Variants in FRK observed in about 807,000 individuals in gnomAD.
FRK encodes fyn related Src family tyrosine kinase.
Under a neutral mutation model 56.4 loss-of-function variants are expected in FRK, and 51 were observed. That is an observed-to-expected ratio of 0.90 (90% confidence interval 0.72 to 1.14). FRK has a LOEUF of 1.14. FRK is among the 50% of genes most tolerant of loss of function. The pLI is 0.00. For missense variants in FRK, 570 were observed against 601.4 expected (o/e 0.95, Z 0.55); for synonymous variants, 245 against 217.9 (o/e 1.12, Z -1.10).
chr6:116,006,253 C>A (rs975812519), intron 1 of FRK, among the ~76,000 whole-genome samples: 1 of 151,822 alleles, frequency 6.6e-6, no homozygotes, highest in African/African-American at 2.4e-5. Context: ...AAAAAGAAAC[C>A]CCAAATAATT....
At chr6:116,097,879 T>C in the FRK span, among the ~76,000 whole-genome samples, 1 of 152,176 alleles carries the variant, frequency 6.6e-6, no homozygotes, top group Admixed American at 6.5e-5. Flanking sequence ...TTACAGACCT[T>C]TCAAATGGCA....
intron 2 of FRK, among the ~76,000 whole-genome samples, chr6:115,986,506 T>A (rs1039311480): frequency 1.3e-5 from 2 of 152,168 alleles, no homozygotes; most frequent in Non-Finnish European, 2.9e-5. Flanking sequence ...TTAAAAAATA[T>A]CAACAGATCC....
the FRK span, among the ~76,000 whole-genome samples, chr6:116,072,496 G>C: frequency 2.8e-4 from 42 of 151,248 alleles, no homozygotes; most frequent in Non-Finnish European, 4.1e-4. Context: ...GTGATGAAAT[G>C]TTAGAACTGA....
chr6:116,039,203 C>A (rs1776616612), intron 1 of FRK: 2 of 1,421,076 alleles, frequency 1.4e-6, no homozygotes, highest in Admixed American at 1.7e-5. Context: ...GAGGTCATCG[C>A]AGATAACGTG....
rs1772182151 is a variant in FRK, at chr6:115,941,548, T to G, written c.*866A>C. 6.6e-6 allele frequency: 1 copy of G among 152,148 alleles called. No homozygotes were observed. The highest frequency in any genetic ancestry group is 1.5e-5 in the Non-Finnish European group (1 of 68,020). 9.4% of individuals were successfully genotyped at this position (152,148 alleles called of 1,614,324 possible). A position where few individuals can be genotyped will look rare whatever the true frequency, so the allele number is the denominator to read the frequency against. ...TCTGATCTGTAGGCCAAAGGGTACT[T>G]CTTTTTCTTTATTAATTACTCAGAA... On this transcript the variant is annotated 3_prime_UTR_variant, in exon 8 of 8. Coordinates refer to ENST00000606080, the MANE Select transcript of FRK (RefSeq NM_002031.3).
chr6:115,969,357 C>T (rs972835172), intron 2 of FRK, among the ~76,000 whole-genome samples: 2 of 152,136 alleles, frequency 1.3e-5, no homozygotes, highest in Non-Finnish European at 2.9e-5. Context: ...ACACATGCAA[C>T]GTTCTAGCAG....
At chr6:115,947,872 A>G (rs1256617212) in intron 5 of FRK, among the ~76,000 whole-genome samples, 2 of 152,186 alleles carry the variant, frequency 1.3e-5, no homozygotes, top group Non-Finnish European at 2.9e-5. Flanking sequence ...AATTCACTCA[A>G]TAAGAAAGGA....
In FRK at chr6:115,942,450, G is replaced by A; in HGVS notation, c.1482C>T (p.Asp494=). 3.7e-6 allele frequency: 6 copies of A among 1,613,536 alleles called. No homozygotes were observed. Among genetic ancestry groups the A allele is most frequent in the Non-Finnish European group, 3.4e-6 (4 of 1,179,580 alleles). ...RWKLEDYFET[D]SSYSDANNFI... The stretch of plus-strand genomic sequence containing the variant: ...AGTTATTTGCATCTGAATATGAAGA[G>A]TCTGTTTCAAAATAGTCTTCAAGTT... The change falls in exon 8 of 8, where the codon GAC becomes GAT. Residue 494 remains aspartate, a synonymous_variant. Transcript: ENST00000606080.
intron 1 of FRK, among the ~76,000 whole-genome samples, chr6:116,054,411 T>C (rs1039865834): frequency 4.8e-5 from 7 of 145,902 alleles, no homozygotes. Context: ...TTTTTATAAA[T>C]ATAGTATTAT....
At chr6:116,025,861 C>T (rs1221833613) in intron 1 of FRK, among the ~76,000 whole-genome samples, 2 of 152,148 alleles carry the variant, frequency 1.3e-5, no homozygotes, top group Non-Finnish European at 2.9e-5. Context: ...TTGCCATTTA[C>T]TCACTGTAAA....
intron 2 of FRK, among the ~76,000 whole-genome samples, chr6:115,997,249 A>G (rs1774875380): frequency 6.6e-6 from 1 of 152,154 alleles, no homozygotes; most frequent in African/African-American, 2.4e-5. Context: ...TGAAAATTCT[A>G]ATATGCTTAT....
At chr6:116,075,576 C>T in the FRK span, among the ~76,000 whole-genome samples, 2 of 151,484 alleles carry the variant, frequency 1.3e-5, no homozygotes, top group Non-Finnish European at 2.9e-5. Flanking sequence ...CACTTTTAAA[C>T]TCAGGTGAGA....
intron 5 of FRK, among the ~76,000 whole-genome samples, chr6:115,945,344 T>C (rs1181103002): frequency 1.3e-5 from 2 of 152,146 alleles, no homozygotes; most frequent in Admixed American, 1.3e-4. Flanking sequence ...GTACAAGTGT[T>C]CCTTTCTCTC....
chr6:116,062,470 A>T (rs961038344), upstream of FRK, among the ~76,000 whole-genome samples: 3 of 152,048 alleles, frequency 2.0e-5, no homozygotes, highest in Non-Finnish European at 4.4e-5. Flanking sequence ...ATGAAAAAAA[A>T]AAAAAGAAAA....
intron 1 of FRK, among the ~76,000 whole-genome samples, chr6:116,051,749 G>A (rs1415633086): frequency 1.4e-4 from 21 of 151,982 alleles, no homozygotes. Context: ...ATTTAAAATG[G>A]GAGTCAGAGA....
chr6:115,959,149 AG>A (rs1384718540), intron 4 of FRK, among the ~76,000 whole-genome samples: 21 of 152,348 alleles, frequency 1.4e-4, no homozygotes, highest in African/African-American at 4.8e-4. Flanking sequence ...AGTTCATTTC[AG>A]GCTCATCTTT....
chr6:116,041,441 T>C (rs552178676), intron 1 of FRK, among the ~76,000 whole-genome samples: 2 of 152,146 alleles, frequency 1.3e-5, no homozygotes, highest in Non-Finnish European at 2.9e-5. Flanking sequence ...TTGAAGCATC[T>C]TGGATTAAGT....
At chr6:116,091,778 G>A in the FRK span, among the ~76,000 whole-genome samples, 1 of 152,164 alleles carries the variant, frequency 6.6e-6, no homozygotes, top group African/African-American at 2.4e-5. Context: ...CGGCTCTTTG[G>A]AGTTGGGAGC....
chr6:116,026,514 G>C (rs995051012), intron 1 of FRK, among the ~76,000 whole-genome samples: 3 of 135,260 alleles, frequency 2.2e-5, no homozygotes, highest in East Asian at 2.0e-4. Flanking sequence ...GAAGGAAGGA[G>C]GGAGGGAGGG....
Sources: gnomAD v4.1 joint callset for allele counts (sites outside exome capture counted in the v4.1 genomes callset) on GRCh38, gnomAD v4.1.1 for gene constraint, MANE v1.5 for transcripts, NCBI Gene and HGNC (gene_info 2026-07-23, HGNC 2026-07-21) for gene names.